Variants in PPP1R12A observed in about 807,000 individuals in gnomAD.
The protein encoded by PPP1R12A is myosin binding subunit.
PPP1R12A carries 19 observed loss-of-function variants against 139.6 expected under a neutral mutation model. That is an observed-to-expected ratio of 0.14 (90% CI 0.09 to 0.20). The LOEUF (loss-of-function observed/expected upper bound fraction) is 0.20. Ranked by LOEUF, PPP1R12A falls within the 10% of genes least tolerant of loss-of-function variation. The pLI, the probability that PPP1R12A is intolerant of heterozygous loss-of-function variation, is 1.00. For synonymous variants in PPP1R12A, 427 were observed against 420.6 expected (o/e 1.02, Z -0.19); for missense variants, 925 against 1,211.5 (o/e 0.76, Z 3.51).
chr12:79,921,317 A>G lies in PPP1R12A; in HGVS notation c.237+13378T>C, dbSNP rs567448155. On this transcript the variant is annotated intron_variant, in intron 1 of 24. Coordinates refer to ENST00000450142, the MANE Select transcript of PPP1R12A (RefSeq NM_002480.3). Reference sequence around the variant, plus strand: ...GAAGGAGGACAGATCATATAAAAAGAAAGTTGAAACTACATAAATAACACA... The same window carrying G: ...GAAGGAGGACAGATCATATAAAAAGGAAGTTGAAACTACATAAATAACACA... Among the ~76,000 whole-genome samples, 10 of 152,338 alleles carry G rather than the reference A, an allele frequency of 6.6e-5. No homozygotes were observed. The East Asian group carries it at 1.9e-3, about 29-fold the overall frequency.
At chr12:79,865,254 G>A (rs929230267) in intron 2 of PPP1R12A, among the ~76,000 whole-genome samples, 8 of 152,108 alleles carry the variant, frequency 5.3e-5, no homozygotes, top group Non-Finnish European at 1.2e-4. Flanking sequence ...AAAGGCCTTC[G>A]ATAAAATTCA....
intron 5 of PPP1R12A, among the ~76,000 whole-genome samples, chr12:79,826,990 C>T (rs1288459064): frequency 1.3e-5 from 2 of 152,052 alleles, no homozygotes; most frequent in Non-Finnish European, 1.5e-5. Flanking sequence ...CTAATAGGTA[C>T]CTGCTAATCT....
chr12:79,823,592 CTTTT>C (rs11310475), intron 5 of PPP1R12A, among the ~76,000 whole-genome samples: 1 of 141,736 alleles, frequency 7.1e-6, no homozygotes, highest in Admixed American at 7.0e-5. Context: ...TGAAAGGTAT[CTTTT>C]TTTTTTTTTT....
intron 8 of PPP1R12A, chr12:79,819,495 A>G (rs545225216): frequency 3.2e-4 from 49 of 152,356 alleles, no homozygotes; most frequent in Admixed American, 9.8e-4. Flanking sequence ...ATTATACTAC[A>G]TAAGTAGTAA....
chr12:79,804,876 T>C (rs1033613220), intron 14 of PPP1R12A, among the ~76,000 whole-genome samples: 1 of 152,168 alleles, frequency 6.6e-6, no homozygotes, highest in Admixed American at 6.5e-5. Context: ...ATATTATCTC[T>C]GGGTCTCAGT....
intron 14 of PPP1R12A, among the ~76,000 whole-genome samples, chr12:79,805,303 AT>A (rs959284796): frequency 1.3e-5 from 2 of 152,062 alleles, no homozygotes; most frequent in African/African-American, 4.8e-5. Flanking sequence ...TCATCAAAAA[AT>A]TTTTTTTGAA....
chr12:79,844,864 T>C (rs1879198873), intron 3 of PPP1R12A, among the ~76,000 whole-genome samples: 2 of 152,170 alleles, frequency 1.3e-5, no homozygotes, highest in African/African-American at 4.8e-5. Flanking sequence ...CCCATTCTTG[T>C]ATTCATTGCT....
intron 2 of PPP1R12A, among the ~76,000 whole-genome samples, chr12:79,859,354 G>GAAAAAA (rs1160349807): frequency 1.0e-4 from 4 of 40,114 alleles, no homozygotes; most frequent in African/African-American, 7.2e-5. Flanking sequence ...AAAAAAGAAA[G>GAAAAAA]AAAAAAAAAA....
At chr12:79,910,423 G>C (rs1324899883) in intron 1 of PPP1R12A, among the ~76,000 whole-genome samples, 1 of 152,012 alleles carries the variant, frequency 6.6e-6, no homozygotes, top group African/African-American at 2.4e-5. Context: ...GGAGGTTGCA[G>C]TGAGCCGAGA....
At chr12:79,796,380 T>G (rs1872518589) in intron 17 of PPP1R12A, among the ~76,000 whole-genome samples, 1 of 152,158 alleles carries the variant, frequency 6.6e-6, no homozygotes. Flanking sequence ...GAGCATTACA[T>G]GTAGTTAGTA....
At chr12:79,871,123 G>GA (rs1266049461) in intron 2 of PPP1R12A, among the ~76,000 whole-genome samples, 1 of 152,148 alleles carries the variant, frequency 6.6e-6, no homozygotes, top group African/African-American at 2.4e-5. Flanking sequence ...AGAAAAAACT[G>GA]AAAGATTCCA....
rs576368940 is a variant in PPP1R12A at position 79,877,811 on chromosome 12, C to T, written c.238-4873G>A. On this transcript the variant is annotated intron_variant, in intron 1 of 24. Coordinates refer to ENST00000450142, the MANE Select transcript of PPP1R12A (RefSeq NM_002480.3). ...GATCACAGGTGTGAGCCACCACACCCGGCTGATACTCATTAAATTCTGTTC... is the reference window on the plus strand; with the variant it reads ...GATCACAGGTGTGAGCCACCACACCTGGCTGATACTCATTAAATTCTGTTC... Among the ~76,000 whole-genome samples the T allele has an allele frequency of 2.9e-4, 44 of 152,236 alleles. No individual in the cohort carries two copies. The South Asian group carries it at 3.1e-3, about 11-fold the overall frequency.
At chr12:79,815,805 T>C (rs1360349627) in intron 9 of PPP1R12A, among the ~76,000 whole-genome samples, 1 of 152,160 alleles carries the variant, frequency 6.6e-6, no homozygotes, top group African/African-American at 2.4e-5. Context: ...TGAACATGAG[T>C]TCTAACTGAA....
At chr12:79,778,472 T>C in intron 24 of PPP1R12A, 78 bp downstream of exon 24, 1 of 1,001,454 alleles carries the variant, frequency 1.0e-6, no homozygotes. Flanking sequence ...ACAATTAATG[T>C]AAACCATATC....
intron 1 of PPP1R12A, among the ~76,000 whole-genome samples, chr12:79,914,199 AT>A (rs1021221581): frequency 2.6e-5 from 4 of 151,054 alleles, no homozygotes; most frequent in Non-Finnish European, 4.4e-5. Context: ...GGGTTCCTCA[AT>A]TTTTTTTTAG....
intron 22 of PPP1R12A, among the ~76,000 whole-genome samples, chr12:79,784,366 G>GT (rs1175898558): frequency 6.6e-6 from 1 of 152,142 alleles, no homozygotes; most frequent in Non-Finnish European, 1.5e-5. Flanking sequence ...CTCTTGCCAG[G>GT]TAACAGAAAT....
At chr12:79,856,504 TC>T (rs1592721584) in intron 2 of PPP1R12A, among the ~76,000 whole-genome samples, 2 of 152,384 alleles carry the variant, frequency 1.3e-5, no homozygotes, top group East Asian at 3.9e-4. Context: ...TTGGATGATG[TC>T]TTCATGACTA....
At chr12:79,903,496 G>A (rs1885827304) in intron 1 of PPP1R12A, among the ~76,000 whole-genome samples, 1 of 151,836 alleles carries the variant, frequency 6.6e-6, no homozygotes, top group Non-Finnish European at 1.5e-5. Flanking sequence ...CTATGTGTAT[G>A]AGGTACACAT....
chr12:79,786,361 A>G lies in PPP1R12A; in HGVS notation c.2907+13T>C. 1 of 1,470,510 alleles carries G rather than the reference A, an allele frequency of 6.8e-7. No homozygotes were observed. Among genetic ancestry groups the G allele is most frequent in the Non-Finnish European group, 9.2e-7 (1 of 1,087,090 alleles). The allele number at this position is 1,470,510 out of a possible 1,614,324, so 91.1% of individuals were successfully genotyped here. ...CATTACCTTGAGAGTAACAAAAAGA[A>G]AAGGGTACAAACCTGGGTGGCCTTT... On this transcript the variant is annotated intron_variant, in intron 22 of 24. Coordinates refer to ENST00000450142, the MANE Select transcript of PPP1R12A (RefSeq NM_002480.3).
Sources: gnomAD v4.1 joint callset for allele counts (sites outside exome capture counted in the v4.1 genomes callset) on GRCh38, gnomAD v4.1.1 for gene constraint, MANE v1.5 for transcripts, NCBI Gene and HGNC (gene_info 2026-07-23, HGNC 2026-07-21) for gene names.